The following MRPL48 variants were observed in gnomAD, a reference collection of about 807,000 sequenced individuals.
The protein encoded by MRPL48 is mitochondrial ribosomal protein L48, also known as large ribosomal subunit protein mL48.
A neutral mutation model predicts 32.9 loss-of-function variants in MRPL48; 16 were observed. That is an observed-to-expected ratio of 0.49 (90% confidence interval 0.33 to 0.74). MRPL48 has a LOEUF of 0.74. MRPL48 is among the 30% of genes least tolerant of loss of function. The pLI is 0.02. For missense variants in MRPL48, 206 were observed against 245.3 expected, an observed-to-expected ratio of 0.84 and a Z score of 1.07; for synonymous variants, 94 against 89.2, an observed-to-expected ratio of 1.05 and a Z score of -0.31.
intron 4 of MRPL48, among the ~76,000 whole-genome samples, chr11:73,833,822 G>A (rs1039597632): frequency 1.3e-5 from 2 of 152,068 alleles, no homozygotes; most frequent in Non-Finnish European, 2.9e-5. Flanking sequence ...CTACAGGTGT[G>A]TACGACTACG....
chr11:73,816,003 G>A (rs915918130), intron 3 of MRPL48, among the ~76,000 whole-genome samples: 1 of 151,680 alleles, frequency 6.6e-6, no homozygotes, highest in African/African-American at 2.4e-5. Context: ...TGGCTTCACA[G>A]GCATGAGCCA....
chr11:73,805,119 T>C, intron 2 of MRPL48, 40 bp downstream of exon 2: 1 of 1,513,630 alleles, frequency 6.6e-7, no homozygotes, highest in South Asian at 1.2e-5. Context: ...TAGGTAACAT[T>C]TGCCTTTGGC....
rs192951535 is a variant in MRPL48, at chr11:73,802,780, G to A, written c.22-2247G>A. Among the ~76,000 whole-genome samples, 7 of 151,718 alleles carry A rather than the reference G, an allele frequency of 4.6e-5. No homozygotes were observed. In the East Asian group the frequency reaches 1.4e-3, roughly 29 times the overall value. ...AATGGCACAGTCACGGCTTATTGCA[G>A]CCTCAGCCCTCTGGGTCCAAGTGAT... On this transcript the variant is annotated intron_variant, in intron 1 of 7. Coordinates refer to ENST00000310614, the MANE Select transcript of MRPL48 (RefSeq NM_016055.6).
chr11:73,793,211 A>G (rs1181528471), intron 1 of MRPL48, among the ~76,000 whole-genome samples: 1 of 152,186 alleles, frequency 6.6e-6, no homozygotes, highest in Non-Finnish European at 1.5e-5. Flanking sequence ...GATAACAGGC[A>G]TGCACTACCA....
intron 6 of MRPL48, chr11:73,860,228 C>A (rs1000878873): frequency 2.3e-6 from 1 of 444,196 alleles, no homozygotes. Context: ...ATACTGATAA[C>A]CCCCAGATGT....
At chr11:73,801,249 A>T (rs1947359044) in intron 1 of MRPL48, among the ~76,000 whole-genome samples, 1 of 152,128 alleles carries the variant, frequency 6.6e-6, no homozygotes, top group South Asian at 2.1e-4. Flanking sequence ...CTTCTATATG[A>T]AGTGACCCAT....
intron 5 of MRPL48, among the ~76,000 whole-genome samples, chr11:73,846,437 G>A (rs560797849): frequency 6.6e-6 from 1 of 152,076 alleles, no homozygotes; most frequent in East Asian, 1.9e-4. Flanking sequence ...GGCCAGGCTG[G>A]TCTCTAACTC....
intron 4 of MRPL48, among the ~76,000 whole-genome samples, chr11:73,829,469 G>A (rs1269774079): frequency 6.6e-6 from 1 of 151,026 alleles, no homozygotes; most frequent in Non-Finnish European, 1.5e-5. Context: ...AGGTTCAAGC[G>A]ATCCTTCTGC....
At chr11:73,809,365 G>A (rs1250960572) in intron 3 of MRPL48, among the ~76,000 whole-genome samples, 7 of 151,960 alleles carry the variant, frequency 4.6e-5, no homozygotes, top group South Asian at 2.1e-4. Flanking sequence ...TTAGCCGGGC[G>A]TGGTGGCACA....
intron 4 of MRPL48, among the ~76,000 whole-genome samples, chr11:73,843,792 G>A (rs1948234690): frequency 6.6e-6 from 1 of 151,884 alleles, no homozygotes; most frequent in Non-Finnish European, 1.5e-5. Context: ...TAAATTTTGG[G>A]GCTTGGCCAG....
At chr11:73,807,891 G>A (rs998137226) in intron 2 of MRPL48, among the ~76,000 whole-genome samples, 13 of 151,982 alleles carry the variant, frequency 8.6e-5, no homozygotes, top group Non-Finnish European at 1.3e-4. Context: ...TGCCTGCCTC[G>A]GCCTCCCAAA....
chr11:73,799,091 T>C (rs1330350052), intron 1 of MRPL48, among the ~76,000 whole-genome samples: 1 of 152,034 alleles, frequency 6.6e-6, no homozygotes, highest in Non-Finnish European at 1.5e-5. Flanking sequence ...TAAATGAACT[T>C]AGGCAGGGAC....
intron 1 of MRPL48, among the ~76,000 whole-genome samples, chr11:73,791,130 C>T (rs768092878): frequency 6.6e-6 from 1 of 151,980 alleles, no homozygotes; most frequent in Non-Finnish European, 1.5e-5. Context: ...AAGCAATCTG[C>T]CGCCTGGGCC....
intron 4 of MRPL48, among the ~76,000 whole-genome samples, chr11:73,831,842 A>G (rs1378211794): frequency 1.4e-5 from 2 of 139,716 alleles, no homozygotes; most frequent in East Asian, 4.7e-4. Context: ...TGGGAGACTG[A>G]GGCGGGAGAA....
At chr11:73,800,606 A>G (rs1007216111) in intron 1 of MRPL48, among the ~76,000 whole-genome samples, 4 of 151,916 alleles carry the variant, frequency 2.6e-5, no homozygotes, top group African/African-American at 4.8e-5. Flanking sequence ...CTCCTCTTCC[A>G]CTTGCAGGGC....
At chr11:73,789,041 G>A (rs1302906680) in intron 1 of MRPL48, among the ~76,000 whole-genome samples, 1 of 152,204 alleles carries the variant, frequency 6.6e-6, no homozygotes, top group East Asian at 1.9e-4. Flanking sequence ...GGGTCTACCT[G>A]TGGTTACCTT....
intron 3 of MRPL48, among the ~76,000 whole-genome samples, chr11:73,820,385 C>A (rs548278657): frequency 6.6e-6 from 1 of 152,064 alleles, no homozygotes; most frequent in African/African-American, 2.4e-5. Context: ...CCATCACACC[C>A]GGCTAATTTT....
At chr11:73,797,680 C>T (rs1174874072) in intron 1 of MRPL48, among the ~76,000 whole-genome samples, 1 of 152,242 alleles carries the variant, frequency 6.6e-6, no homozygotes, top group Non-Finnish European at 1.5e-5. Context: ...CCCATGCTCA[C>T]TCACATACCC....
At chr11:73,857,871 G>C (rs55677926) in intron 5 of MRPL48, among the ~76,000 whole-genome samples, 6,360 of 152,222 alleles carry the variant, frequency 0.042, 192 homozygotes, top group Middle Eastern at 0.11. Context: ...GGGATTACAG[G>C]CTTGAGCCAC....
Sources: allele counts gnomAD v4.1 joint callset (sites outside exome capture counted in the v4.1 genomes callset), GRCh38; gene constraint gnomAD v4.1.1; transcripts MANE v1.5; gene names NCBI Gene and HGNC (gene_info 2026-07-23, HGNC 2026-07-21).